The following HS3ST2 variants were observed in gnomAD, a reference collection of about 807,000 sequenced individuals.
The protein encoded by HS3ST2 is heparan sulfate-glucosamine 3-sulfotransferase 2, also known as heparan sulfate glucosamine 3-O-sulfotransferase 2.
A neutral mutation model predicts 26.3 loss-of-function variants in HS3ST2; 17 were observed. The observed-to-expected ratio is 0.65, with a 90% CI of 0.44 to 0.97. HS3ST2 has a LOEUF of 0.97. Ranked by LOEUF, HS3ST2 falls within the 50% of genes least tolerant of loss-of-function variation. The pLI, the probability that HS3ST2 is intolerant of heterozygous loss-of-function variation, is 0.00. For missense variants in HS3ST2, 402 were observed against 501.2 expected, an observed-to-expected ratio of 0.80 and a Z score of 1.89; for synonymous variants, 237 against 219.2, an observed-to-expected ratio of 1.08 and a Z score of -0.72.
chr16:22,831,174 C>T (rs1467759154), intron 1 of HS3ST2, among the ~76,000 whole-genome samples: 1 of 152,200 alleles, frequency 6.6e-6, no homozygotes, highest in Non-Finnish European at 1.5e-5. Flanking sequence ...AGATAATTAT[C>T]TTCTAATGAT....
At chr16:22,815,371 T>A (rs575647285) in intron 1 of HS3ST2, among the ~76,000 whole-genome samples, 1 of 152,312 alleles carries the variant, frequency 6.6e-6, no homozygotes, top group African/African-American at 2.4e-5. Context: ...GCTAAAGGGC[T>A]AACTCCCTCT....
chr16:22,896,815 T>C (rs1902217677), intron 1 of HS3ST2, among the ~76,000 whole-genome samples: 1 of 152,342 alleles, frequency 6.6e-6, no homozygotes, highest in East Asian at 1.9e-4. Flanking sequence ...TTTTTTCTTT[T>C]GTTAATTGAG....
chr16:22,847,864 GAAA>G (rs539238156), intron 1 of HS3ST2, among the ~76,000 whole-genome samples: 3 of 113,050 alleles, frequency 2.7e-5, no homozygotes, highest in Non-Finnish European at 3.8e-5. Flanking sequence ...AGGAGAAAAA[GAAA>G]AAAAAAGAAA....
chr16:22,826,396 C>A (rs528588230), intron 1 of HS3ST2, among the ~76,000 whole-genome samples: 1 of 152,308 alleles, frequency 6.6e-6, no homozygotes, highest in South Asian at 2.1e-4. Flanking sequence ...AATGTCACCT[C>A]CTCAAAGAGA....
At chr16:22,843,585 A>G (rs1901390219) in intron 1 of HS3ST2, among the ~76,000 whole-genome samples, 1 of 152,218 alleles carries the variant, frequency 6.6e-6, no homozygotes, top group Non-Finnish European at 1.5e-5. Flanking sequence ...GCAAATAAAT[A>G]GCCAGATGAA....
intron 1 of HS3ST2, among the ~76,000 whole-genome samples, chr16:22,878,893 T>A (rs181002486): frequency 6.6e-6 from 1 of 152,190 alleles, no homozygotes. Context: ...TGCAAAATAA[T>A]CACTGAGGCT....
intron 1 of HS3ST2, among the ~76,000 whole-genome samples, chr16:22,899,976 TTTCAGGTG>T (rs1243870573): frequency 6.6e-6 from 1 of 152,212 alleles, no homozygotes; most frequent in Non-Finnish European, 1.5e-5. Context: ...CAGCCTTTGA[TTTCAGGTG>T]TTCTCCAGCA....
chr16:22,834,852 C>T (rs781384527), intron 1 of HS3ST2, among the ~76,000 whole-genome samples: 45 of 152,130 alleles, frequency 3.0e-4, no homozygotes, highest in Non-Finnish European at 5.0e-4. Flanking sequence ...TGCATGAAAA[C>T]TATCTCCTTT....
rs538484013 is a variant in HS3ST2, at chr16:22,902,720, A to T, written c.486-12224A>T. Among the ~76,000 whole-genome samples, 306 of 152,036 alleles carry T rather than the reference A, an allele frequency of 2.0e-3. 1 individual carries two copies. Among genetic ancestry groups the T allele is most frequent in the Non-Finnish European group, 3.7e-3 (253 of 68,014 alleles). ...CCATCATAATTGTTACAATTAAAAA[A>T]ATTTTTTTTCCAGCCTTACAGGTGA... On this transcript the variant is annotated intron_variant, in intron 1 of 1. Transcript: ENST00000261374.
chr16:22,893,065 G>A (rs545536968), intron 1 of HS3ST2, among the ~76,000 whole-genome samples: 1 of 152,250 alleles, frequency 6.6e-6, no homozygotes, highest in Non-Finnish European at 1.5e-5. Context: ...ATTGTGTTAG[G>A]GGACATCTTT....
At chr16:22,826,681 A>G (rs1031317154) in intron 1 of HS3ST2, among the ~76,000 whole-genome samples, 5 of 152,176 alleles carry the variant, frequency 3.3e-5, no homozygotes, top group Non-Finnish European at 7.3e-5. Flanking sequence ...ACTCTTAGCA[A>G]TGAGGGATGA....
intron 1 of HS3ST2, among the ~76,000 whole-genome samples, chr16:22,860,288 A>G (rs1901656992): frequency 6.6e-6 from 1 of 152,056 alleles, no homozygotes; most frequent in African/African-American, 2.4e-5. Flanking sequence ...TGTGTAGGGG[A>G]ACTCCCCTTT....
intron 1 of HS3ST2, among the ~76,000 whole-genome samples, chr16:22,862,982 AT>A (rs1248932286): frequency 6.6e-6 from 1 of 152,162 alleles, no homozygotes; most frequent in African/African-American, 2.4e-5. Context: ...ATGAGGTCAC[AT>A]TTCCAGGTTC....
chr16:22,911,726 G>A (rs1048387933), intron 1 of HS3ST2, among the ~76,000 whole-genome samples: 3 of 152,108 alleles, frequency 2.0e-5, no homozygotes, highest in Non-Finnish European at 2.9e-5. Flanking sequence ...AAGGACACTC[G>A]TCATTGGGTT....
chr16:22,842,062 C>CTTTT (rs11285807), intron 1 of HS3ST2, among the ~76,000 whole-genome samples: 126 of 111,736 alleles, frequency 1.1e-3, no homozygotes, highest in Non-Finnish European at 1.7e-3. Context: ...TCTTTTCTTT[C>CTTTT]TTTTTTTTTT....
intron 1 of HS3ST2, among the ~76,000 whole-genome samples, chr16:22,894,202 C>T (rs775697005): frequency 7.9e-5 from 12 of 152,128 alleles, no homozygotes; most frequent in African/African-American, 2.2e-4. Context: ...AGGGCTCCTC[C>T]GCTTGTCAGG....
At chr16:22,839,702 T>G (rs1403541654) in intron 1 of HS3ST2, among the ~76,000 whole-genome samples, 1 of 152,160 alleles carries the variant, frequency 6.6e-6, no homozygotes, top group Admixed American at 6.5e-5. Flanking sequence ...CTGCTACTCT[T>G]GCTAGTTAGA....
intron 1 of HS3ST2, among the ~76,000 whole-genome samples, chr16:22,899,110 T>A (rs944373593): frequency 6.6e-6 from 1 of 152,132 alleles, no homozygotes; most frequent in Non-Finnish European, 1.5e-5. Flanking sequence ...AAGCTTGGTG[T>A]TAACAAACAA....
At chr16:22,836,018 A>G (rs1901248676) in intron 1 of HS3ST2, among the ~76,000 whole-genome samples, 2 of 151,386 alleles carry the variant, frequency 1.3e-5, no homozygotes, top group African/African-American at 4.8e-5. Flanking sequence ...TTATTCTTTG[A>G]AAAAAAAATA....
Sources: gnomAD v4.1 joint callset for allele counts (sites outside exome capture counted in the v4.1 genomes callset) on GRCh38, gnomAD v4.1.1 for gene constraint, MANE v1.5 for transcripts, NCBI Gene and HGNC (gene_info 2026-07-23, HGNC 2026-07-21) for gene names.